DYNC2I1: variants seen among roughly 807,000 people sequenced by gnomAD.
DYNC2I1 encodes the protein cytoplasmic dynein 2 intermediate chain 1.
Under a neutral mutation model 133.4 loss-of-function variants are expected in DYNC2I1, and 89 were observed. The ratio of observed to expected loss-of-function variants is 0.67; its 90% confidence interval spans 0.56 to 0.80. DYNC2I1 has a LOEUF of 0.80. Among genes scored for constraint, DYNC2I1 ranks in the 30% least tolerant of loss-of-function variants. The pLI, the probability that DYNC2I1 is intolerant of heterozygous loss-of-function variation, is 0.00. For synonymous variants in DYNC2I1, 504 were observed against 484.3 expected, an observed-to-expected ratio of 1.04 and a Z score of -0.54; for missense variants, 1,291 against 1,314.5, an observed-to-expected ratio of 0.98 and a Z score of 0.28.
intron 6 of DYNC2I1, among the ~76,000 whole-genome samples, chr7:158,886,588 A>G (rs1158555867): frequency 6.6e-6 from 1 of 152,194 alleles, no homozygotes; most frequent in Non-Finnish European, 1.5e-5. Flanking sequence ...ATGCTTTGCT[A>G]ACCTGAAACA....
chr7:158,861,635 A>G (rs572452211), intron 1 of DYNC2I1, among the ~76,000 whole-genome samples: 1 of 152,338 alleles, frequency 6.6e-6, no homozygotes, highest in Admixed American at 6.5e-5. Flanking sequence ...GCTTTGACGT[A>G]GCAGCTCACA....
intron 1 of DYNC2I1, among the ~76,000 whole-genome samples, chr7:158,861,720 G>A (rs1841884430): frequency 1.3e-5 from 2 of 152,354 alleles, no homozygotes; most frequent in South Asian, 4.1e-4. Context: ...GTCACATGGA[G>A]TACAGAGTGT....
At chr7:158,846,793 A>G in the DYNC2I1 span, among the ~76,000 whole-genome samples, 1 of 152,210 alleles carries the variant, frequency 6.6e-6, no homozygotes, top group South Asian at 2.1e-4. Context: ...CTGGGATGGT[A>G]ACTCTCTCCT....
intron 8 of DYNC2I1, among the ~76,000 whole-genome samples, chr7:158,899,009 A>G (rs1017097187): frequency 1.3e-5 from 2 of 152,168 alleles, no homozygotes; most frequent in African/African-American, 2.4e-5. Flanking sequence ...AGACATAAGC[A>G]TGTTATCCCT....
the DYNC2I1 span, among the ~76,000 whole-genome samples, chr7:158,839,663 C>CA: frequency 2.0e-5 from 3 of 152,014 alleles, no homozygotes; most frequent in South Asian, 2.1e-4. Flanking sequence ...ACTAAAAATA[C>CA]AAAAAAATTA....
chr7:158,851,000 G>C, the DYNC2I1 span, among the ~76,000 whole-genome samples: 13 of 151,338 alleles, frequency 8.6e-5, no homozygotes, highest in Non-Finnish European at 1.6e-4. Context: ...ATGACATCTA[G>C]TTTGGCAGTC....
chr7:158,910,648 G>T (rs1391316333), intron 11 of DYNC2I1, among the ~76,000 whole-genome samples: 1 of 148,310 alleles, frequency 6.7e-6, no homozygotes, highest in Non-Finnish European at 1.5e-5. Context: ...GTGGGCCGAG[G>T]GCAATTGGAG....
chr7:158,935,695 C>G (rs935900409), intron 23 of DYNC2I1, among the ~76,000 whole-genome samples: 4 of 152,168 alleles, frequency 2.6e-5, no homozygotes, highest in African/African-American at 7.2e-5. Context: ...GGAATGTGGT[C>G]AGGCAAGGCT....
intron 5 of DYNC2I1, among the ~76,000 whole-genome samples, chr7:158,883,624 T>C (rs1022164829): frequency 1.3e-5 from 2 of 150,830 alleles, no homozygotes; most frequent in African/African-American, 4.9e-5. Flanking sequence ...ACAATAAATA[T>C]ACAAAATGTT....
rs1844269131 is a variant in DYNC2I1, at chr7:158,883,536, CATGATTTTAATTAGA to C, written c.880-1022_880-1008del. On this transcript the variant is annotated intron_variant, in intron 5 of 24. Transcript: ENST00000407559. ...CCTGGCCTCTATATGATTTTTGATC[CATGATTTTAATTAGA>C]ATGATATAACTTTTATTGTAAGCTT... is the stretch of plus-strand genomic sequence containing the variant. Among the ~76,000 whole-genome samples, 4 of 151,824 alleles carry C rather than the reference CATGATTTTAATTAGA, an allele frequency of 2.6e-5. No homozygotes were observed. The South Asian group carries it at 8.3e-4, about 32-fold the overall frequency.
chr7:158,927,171 G>GA (rs1171179491), intron 20 of DYNC2I1, 128 bp downstream of exon 20: 2 of 636,922 alleles, frequency 3.1e-6, no homozygotes, highest in Non-Finnish European at 2.7e-6. Flanking sequence ...GGAGGCTGAG[G>GA]AAGGAGGATT....
intron 14 of DYNC2I1, among the ~76,000 whole-genome samples, chr7:158,918,365 C>T (rs1037710863): frequency 6.6e-6 from 1 of 152,140 alleles, no homozygotes; most frequent in African/African-American, 2.4e-5. Context: ...TGTTTTACCA[C>T]TCACTCTGGC....
intron 11 of DYNC2I1, among the ~76,000 whole-genome samples, chr7:158,906,319 C>T (rs955334817): frequency 6.6e-6 from 1 of 151,732 alleles, no homozygotes; most frequent in Non-Finnish European, 1.5e-5. Context: ...AGATTTGTGG[C>T]GGACAGTTGG....
At position 158,891,278 on chromosome 7, in the gene DYNC2I1, A is replaced by T; in HGVS notation, c.1004A>T (p.Glu335Val). The change falls in exon 8 of 25, where the codon GAA becomes GTA. Residue 335 changes from glutamate to valine, a missense_variant. Transcript: ENST00000407559. ...KDSRRKHGHE[E>V]GSSVWWKLDQ... is the part of the protein sequence containing the mutation. ...TCTCTCCATTAGCATGGCCACGAGG[A>T]AGGCTCTTCTGTGTGGTGGAAGCTG... 1 of 1,614,014 alleles carries T rather than the reference A, an allele frequency of 6.2e-7. No individual in the cohort carries two copies. The highest frequency in any genetic ancestry group is 1.7e-5 in the Admixed American group (1 of 60,018).
chr7:158,914,009 C>A (rs1267402950), intron 13 of DYNC2I1, among the ~76,000 whole-genome samples: 1 of 152,182 alleles, frequency 6.6e-6, no homozygotes, highest in Non-Finnish European at 1.5e-5. Flanking sequence ...CATGCCTGGC[C>A]TGAATGTTTT....
At chr7:158,906,364 A>G (rs1209761036) in intron 11 of DYNC2I1, among the ~76,000 whole-genome samples, 1 of 152,222 alleles carries the variant, frequency 6.6e-6, no homozygotes, top group Non-Finnish European at 1.5e-5. Context: ...AATTTGTAAA[A>G]TTTAGAAATC....
chr7:158,883,910 C>G (rs1284178792), intron 5 of DYNC2I1, among the ~76,000 whole-genome samples: 1 of 151,254 alleles, frequency 6.6e-6, no homozygotes, highest in Non-Finnish European at 1.5e-5. Context: ...GTGATCCGCC[C>G]GCCTCGGCCT....
At chr7:158,893,821 T>C (rs1251006784) in intron 8 of DYNC2I1, among the ~76,000 whole-genome samples, 3 of 149,948 alleles carry the variant, frequency 2.0e-5, no homozygotes, top group Non-Finnish European at 4.4e-5. Flanking sequence ...TATCATACCG[T>C]ATATCATACC....
At position 158,869,883 on chromosome 7, in the gene DYNC2I1, C is replaced by A. The variant is rs1227473988; in HGVS notation, c.44C>A (p.Ala15Glu). The change falls in exon 2 of 25, where the codon GCA becomes GAA. Residue 15 changes from alanine (A) to glutamate (E), a missense_variant. Physicochemically the swap from Ala to Glu is moderately radical, Grantham distance 107 (BLOSUM62 -1). Transcript: ENST00000407559. ...AGAACCAAAGATGATACCTGGAAAGCAGATGACCTCAGAAAACATCTCTGG... is the reference window on the plus strand; with the variant it reads ...AGAACCAAAGATGATACCTGGAAAGAAGATGACCTCAGAAAACATCTCTGG... ...KRRTKDDTWK[A>E]DDLRKHLWAI... The A allele has an allele frequency of 6.2e-7, 1 of 1,613,302 alleles. No individual in the cohort carries two copies. Among genetic ancestry groups the A allele is most frequent in the Non-Finnish European group, 8.5e-7 (1 of 1,179,350 alleles).
Sources: allele counts gnomAD v4.1 joint callset (sites outside exome capture counted in the v4.1 genomes callset), GRCh38; gene constraint gnomAD v4.1.1; transcripts MANE v1.5; gene names NCBI Gene and HGNC (gene_info 2026-07-23, HGNC 2026-07-21).